Variants in PLA2G4C observed in about 807,000 individuals in gnomAD.
PLA2G4C encodes the protein phospholipase A2 group IVC.
A neutral mutation model predicts 73.8 loss-of-function variants in PLA2G4C; 64 were observed. That is an observed-to-expected ratio of 0.87 (90% CI 0.71 to 1.07). The LOEUF (loss-of-function observed/expected upper bound fraction) is 1.07. Among genes scored for constraint, PLA2G4C ranks in the 50% least tolerant of loss-of-function variants. PLA2G4C has a pLI of 0.00. For synonymous variants in PLA2G4C, 254 were observed against 252.1 expected, an observed-to-expected ratio of 1.01 and a Z score of -0.07; for missense variants, 622 against 665.4, an observed-to-expected ratio of 0.93 and a Z score of 0.72.
chr19:48,094,627 G>A (rs543653290), intron 7 of PLA2G4C, among the ~76,000 whole-genome samples: 1 of 152,330 alleles, frequency 6.6e-6, no homozygotes, highest in African/African-American at 2.4e-5. Flanking sequence ...TTGGTCCTAT[G>A]TAGGGGAGCT....
chr19:48,052,042 G>C (rs1397539959), intron 16 of PLA2G4C: 1 of 151,788 alleles, frequency 6.6e-6, no homozygotes, highest in Non-Finnish European at 1.5e-5. Flanking sequence ...ACCACACCCA[G>C]CTAATTTTTA....
At chr19:48,068,157 C>T (rs1348823365) in intron 12 of PLA2G4C, among the ~76,000 whole-genome samples, 1 of 152,064 alleles carries the variant, frequency 6.6e-6, no homozygotes, top group African/African-American at 2.4e-5. Context: ...CAAAAATTAG[C>T]TGGGCGTGGT....
At chr19:48,064,191 G>T (rs1219762961) in intron 13 of PLA2G4C, among the ~76,000 whole-genome samples, 5 of 152,176 alleles carry the variant, frequency 3.3e-5, no homozygotes, top group African/African-American at 1.2e-4. Context: ...CACTTTGGGA[G>T]GCCAAGGTGG....
intron 14 of PLA2G4C, among the ~76,000 whole-genome samples, chr19:48,059,074 C>A (rs1234414606): frequency 6.6e-6 from 1 of 151,982 alleles, no homozygotes; most frequent in Non-Finnish European, 1.5e-5. Flanking sequence ...AGTTCAAGAC[C>A]AGCCTGGCCA....
At chr19:48,053,182 C>T in intron 15 of PLA2G4C, 35 bp from the exon 16 acceptor site, 1 of 1,504,588 alleles carries the variant, frequency 6.6e-7, no homozygotes, top group Non-Finnish European at 9.1e-7. Flanking sequence ...GAAAAGGCAT[C>T]ATGAGTTTGG....
At chr19:48,106,323 G>A (rs756301448) in intron 2 of PLA2G4C, among the ~76,000 whole-genome samples, 199 bp downstream of exon 2, 13 of 152,068 alleles carry the variant, frequency 8.5e-5, no homozygotes, top group Non-Finnish European at 1.9e-4. Context: ...GAACTCTGGG[G>A]CTCAAGAGAT....
chr19:48,075,487 A>G (rs1291311997), intron 11 of PLA2G4C, among the ~76,000 whole-genome samples: 2 of 151,754 alleles, frequency 1.3e-5, no homozygotes, highest in South Asian at 2.1e-4. Flanking sequence ...CATGCCTGGC[A>G]TCCCCTCTTA....
At chr19:48,098,332 C>A (rs1408184654) in intron 5 of PLA2G4C, 73 bp from the exon 6 acceptor site, 1 of 1,402,164 alleles carries the variant, frequency 7.1e-7, no homozygotes, top group Non-Finnish European at 9.4e-7. Context: ...TGCACGTAGG[C>A]CACATTTTTT....
chr19:48,064,430 C>CAAA lies in PLA2G4C; in HGVS notation c.1103-2281_1103-2279dup, dbSNP rs59148675. On this transcript the variant is annotated intron_variant, in intron 13 of 16. Coordinates refer to ENST00000599921, the MANE Select transcript of PLA2G4C (RefSeq NM_003706.3). The stretch of plus-strand genomic sequence containing the variant: ...GGCAACAAAGAGCAAAACTCTGTCT[C>CAAA]AAAAAAAAAAAAAACCAAAAACCAT... Among the ~76,000 whole-genome samples the CAAA allele has an allele frequency of 6.4e-5, 9 of 141,166 alleles. No individual in the cohort carries two copies. The South Asian group carries it at 9.0e-4, about 14-fold the overall frequency. 92.6% of individuals were successfully genotyped at this position (141,166 alleles called of 152,430 possible).
chr19:48,070,873 C>T (rs145616202), intron 12 of PLA2G4C, among the ~76,000 whole-genome samples: 24 of 152,246 alleles, frequency 1.6e-4, no homozygotes, highest in African/African-American at 4.8e-4. Flanking sequence ...CCTGCATGTC[C>T]TGCACATGTA....
chr19:48,110,531 T>TGCTCCGGAATTCGGTGCGGAGGCTTGG lies in PLA2G4C; in HGVS notation c.-78_-77insCCAAGCCTCCGCACCGAATTCCGGAGC. 1 of 1,386,156 alleles carries TGCTCCGGAATTCGGTGCGGAGGCTTGG rather than the reference T, an allele frequency of 7.2e-7. No homozygotes were observed. The highest frequency in any genetic ancestry group is 2.9e-5 in the East Asian group (1 of 34,242). The allele number at this position is 1,386,156 out of a possible 1,614,324, so 85.9% of individuals were successfully genotyped here. ...GTGTGCGCATGCGCGGTGGAGCTTGTGCTCCGGAATCCGGTGCGGAGGCTT... is the reference window on the plus strand; with the variant it reads ...GTGTGCGCATGCGCGGTGGAGCTTGTGCTCCGGAATTCGGTGCGGAGGCTTGGGCTCCGGAATCCGGTGCGGAGGCTT... On this transcript the variant is annotated 5_prime_UTR_variant, in exon 1 of 17. Coordinates refer to ENST00000599921, the MANE Select transcript of PLA2G4C (RefSeq NM_003706.3).
chr19:48,106,179 C>T (rs2032228973), intron 2 of PLA2G4C, among the ~76,000 whole-genome samples: 1 of 150,572 alleles, frequency 6.6e-6, no homozygotes, highest in African/African-American at 2.4e-5. Flanking sequence ...AACACCGGGA[C>T]TCAAGTGATC....
chr19:48,105,499 AAC>A, intron 2 of PLA2G4C, 55 bp from the exon 3 acceptor site: 2 of 1,395,488 alleles, frequency 1.4e-6, no homozygotes, highest in Non-Finnish European at 2.0e-6. Flanking sequence ...AAAGGGATAA[AAC>A]ACAGAATTTG....
intron 2 of PLA2G4C, 99 bp downstream of exon 2, chr19:48,106,423 G>C: frequency 1.1e-6 from 1 of 941,180 alleles, no homozygotes. Context: ...TCCACCAAGC[G>C]AGAGGAACTG....
intron 6 of PLA2G4C, among the ~76,000 whole-genome samples, chr19:48,096,106 T>G (rs2031552948): frequency 1.3e-5 from 2 of 148,912 alleles, no homozygotes; most frequent in South Asian, 4.3e-4. Flanking sequence ...ATTACAAGAG[T>G]CTCCCAGGAG....
intron 14 of PLA2G4C, 189 bp downstream of exon 14, chr19:48,061,809 A>C (rs1321355963): frequency 1.6e-6 from 1 of 619,870 alleles, no homozygotes; most frequent in Admixed American, 2.6e-5. Flanking sequence ...TTGGATCAGA[A>C]GTTCGTTGGA....
intron 7 of PLA2G4C, among the ~76,000 whole-genome samples, chr19:48,092,301 G>A (rs957983876): frequency 3.9e-5 from 6 of 152,034 alleles, no homozygotes; most frequent in Non-Finnish European, 5.9e-5. Flanking sequence ...CACCCGCCTC[G>A]GCCTCCCAAA....
chr19:48,090,075 C>T, intron 8 of PLA2G4C: 2 of 392,448 alleles, frequency 5.1e-6, no homozygotes, highest in East Asian at 4.6e-5. Context: ...CTGTTATTAT[C>T]ACCCGCATGG....
intron 7 of PLA2G4C, chr19:48,090,660 G>A (rs1235572198): frequency 8.1e-6 from 4 of 496,344 alleles, no homozygotes; most frequent in Middle Eastern, 5.6e-4. Context: ...TTCTATGGGT[G>A]GAGCCAGCCG....
Sources: allele counts gnomAD v4.1 joint callset (sites outside exome capture counted in the v4.1 genomes callset), GRCh38; gene constraint gnomAD v4.1.1; transcripts MANE v1.5; gene names NCBI Gene and HGNC (gene_info 2026-07-23, HGNC 2026-07-21).